CEP192: variants seen among roughly 807,000 people sequenced by gnomAD.
CEP192 encodes the protein centrosomal protein 192, also known as centrosomal protein of 192 kDa.
In CEP192, 151 loss-of-function variants were observed where a neutral mutation model predicts 271.8. The observed-to-expected ratio is 0.56, with a 90% CI of 0.49 to 0.64. The LOEUF is 0.64. Among genes scored for constraint, CEP192 ranks in the 30% least tolerant of loss-of-function variants. The pLI, the probability that CEP192 is intolerant of heterozygous loss-of-function variation, is 0.00. For missense variants in CEP192, 2,910 were observed against 3,020.5 expected (o/e 0.96, Z 0.86); for synonymous variants, 995 against 1,076.5 (o/e 0.92, Z 1.48).
intron 32 of CEP192, 56 bp from the exon 33 acceptor site, chr18:13,089,400 A>G (rs1314044359): frequency 3.6e-6 from 3 of 824,128 alleles, no homozygotes; most frequent in Non-Finnish European, 5.7e-6. Flanking sequence ...ATCTAATTAA[A>G]GTTATTTTAT....
chr18:13,055,787 T>A lies in CEP192; in HGVS notation c.3197T>A (p.Ile1066Asn). The A allele has an allele frequency of 1.9e-6, 3 of 1,552,644 alleles. No individual in the cohort carries two copies. The South Asian group carries it at 3.7e-5, about 19-fold the overall frequency. ...AAATTTTGTTGCACTCAGAGTGATATCACCAGCGAGTTGAGTACCACAATT... is the reference window on the plus strand; with the variant it reads ...AAATTTTGTTGCACTCAGAGTGATAACACCAGCGAGTTGAGTACCACAATT... ...DDALEDRKSD[I>N]TSELSTTIIQ... Residue 1066 changes from isoleucine to asparagine, a missense_variant, in exon 19 of 45, where the codon ATC becomes AAC. Ile to Asn is a moderately radical substitution (Grantham distance 149). Coordinates refer to ENST00000506447, the MANE Select transcript of CEP192 (RefSeq NM_032142.4).
chr18:13,031,518 A>G (rs1363129334), intron 11 of CEP192, among the ~76,000 whole-genome samples: 1 of 152,076 alleles, frequency 6.6e-6, no homozygotes, highest in Non-Finnish European at 1.5e-5. Flanking sequence ...AAGTGCTGGG[A>G]TTACAGGCGT....
intron 36 of CEP192, among the ~76,000 whole-genome samples, chr18:13,098,492 C>T (rs1487321261): frequency 1.3e-5 from 2 of 150,302 alleles, no homozygotes; most frequent in African/African-American, 4.9e-5. Flanking sequence ...CGCTCCTCAC[C>T]TCCCAGATGG....
chr18:13,075,709 A>G (rs1475026853), intron 30 of CEP192, among the ~76,000 whole-genome samples: 2 of 152,224 alleles, frequency 1.3e-5, no homozygotes, highest in African/African-American at 4.8e-5. Context: ...CAAACAGACT[A>G]AGATGGTGGA....
chr18:12,996,458 A>C (rs535925053), intron 1 of CEP192, among the ~76,000 whole-genome samples: 1 of 152,288 alleles, frequency 6.6e-6, no homozygotes, highest in Non-Finnish European at 1.5e-5. Flanking sequence ...CTTGTTAGAC[A>C]TCTAAGTGGA....
intron 17 of CEP192, among the ~76,000 whole-genome samples, chr18:13,050,711 C>G (rs1282678992): frequency 1.3e-5 from 2 of 152,002 alleles, no homozygotes; most frequent in Non-Finnish European, 2.9e-5. Context: ...TCCCGAGTAG[C>G]TGGAACCACA....
At chr18:12,991,803 T>C (rs1336038873) in intron 1 of CEP192, among the ~76,000 whole-genome samples, 2 of 152,264 alleles carry the variant, frequency 1.3e-5, no homozygotes, top group Non-Finnish European at 2.9e-5. Context: ...CTCTGGAGTT[T>C]CTTGCAGTGT....
At chr18:13,055,371 AGCCGCC>A (rs1418354934) in intron 18 of CEP192, among the ~76,000 whole-genome samples, 2 of 151,954 alleles carry the variant, frequency 1.3e-5, no homozygotes, top group Non-Finnish European at 2.9e-5. Context: ...CAGCCTGCTG[AGCCGCC>A]GCCTGACCTC....
At chr18:13,057,240 G>A (rs1205045345) in intron 19 of CEP192, among the ~76,000 whole-genome samples, 2 of 96,548 alleles carry the variant, frequency 2.1e-5, no homozygotes, top group African/African-American at 8.4e-5. Flanking sequence ...TAAAGCCTCT[G>A]GAGGTTTTTT....
At chr18:13,084,403 G>A (rs568455655) in intron 30 of CEP192, among the ~76,000 whole-genome samples, 112 of 152,280 alleles carry the variant, frequency 7.4e-4, no homozygotes, top group African/African-American at 2.6e-3. Context: ...AGTGAGCAAG[G>A]CTCTGTGGGC....
At chr18:13,057,437 ACAT>A in intron 19 of CEP192, 145 bp from the exon 20 acceptor site, 1 of 764,016 alleles carries the variant, frequency 1.3e-6, no homozygotes, top group South Asian at 2.5e-5. Context: ...GGCTCATGCA[ACAT>A]CAAGGACTCC....
At chr18:13,004,984 A>G (rs995346173) in intron 3 of CEP192, among the ~76,000 whole-genome samples, 2 of 152,050 alleles carry the variant, frequency 1.3e-5, no homozygotes, top group African/African-American at 4.8e-5. Context: ...GGTGGTACAG[A>G]TGGGTTGGAG....
At chr18:13,115,175 CCTTGCTTCTCT>C (rs1480051253) in intron 42 of CEP192, among the ~76,000 whole-genome samples, 2 of 152,166 alleles carry the variant, frequency 1.3e-5, no homozygotes, top group Non-Finnish European at 2.9e-5. Flanking sequence ...GGCTGTTATC[CCTTGCTTCTCT>C]CTTGCTCTCT....
At chr18:13,003,455 A>G (rs899742078) in intron 3 of CEP192, among the ~76,000 whole-genome samples, 3 of 84,458 alleles carry the variant, frequency 3.6e-5, no homozygotes, top group Non-Finnish European at 4.3e-5. Flanking sequence ...TCTCAAGAAA[A>G]AAAAAAAAAA....
chr18:13,089,182 A>G (rs1310875514), intron 32 of CEP192, among the ~76,000 whole-genome samples: 2 of 152,202 alleles, frequency 1.3e-5, no homozygotes, highest in Non-Finnish European at 2.9e-5. Flanking sequence ...AATTATCACA[A>G]ATAATGAAAA....
At chr18:13,091,384 A>G (rs760343364) in intron 33 of CEP192, among the ~76,000 whole-genome samples, 10 of 152,186 alleles carry the variant, frequency 6.6e-5, no homozygotes, top group Non-Finnish European at 1.0e-4. Flanking sequence ...AAGGAATACT[A>G]TATTCCTTGT....
At chr18:13,122,220 A>G (rs2040696181) in intron 44 of CEP192, among the ~76,000 whole-genome samples, 1 of 152,204 alleles carries the variant, frequency 6.6e-6, no homozygotes, top group African/African-American at 2.4e-5. Context: ...TCAAGAGATC[A>G]AGACCATCCT....
chr18:13,015,795 G>C (rs559128323), intron 6 of CEP192, among the ~76,000 whole-genome samples: 1 of 151,590 alleles, frequency 6.6e-6, no homozygotes, highest in East Asian at 1.9e-4. Context: ...ACCTGGGCTG[G>C]AGTGCAGTGG....
intron 38 of CEP192, 120 bp from the exon 39 acceptor site, chr18:13,103,389 T>C (rs2039804563): frequency 2.8e-6 from 2 of 721,550 alleles, no homozygotes; most frequent in South Asian, 3.2e-5. Context: ...GTTGAACTCC[T>C]TTAGGGATCT....
Sources: gnomAD v4.1 joint callset for allele counts (sites outside exome capture counted in the v4.1 genomes callset) on GRCh38, gnomAD v4.1.1 for gene constraint, MANE v1.5 for transcripts, NCBI Gene and HGNC (gene_info 2026-07-23, HGNC 2026-07-21) for gene names.